The following PRTG variants were observed in gnomAD, a reference collection of about 807,000 sequenced individuals.
The protein encoded by PRTG is protogenin, also known as immunoglobulin superfamily, DCC subclass, member 5.
PRTG carries 67 observed loss-of-function variants against 122.5 expected under a neutral mutation model. That is an observed-to-expected ratio of 0.55 (90% CI 0.45 to 0.67). The LOEUF (loss-of-function observed/expected upper bound fraction) is 0.67, where lower values mean the gene tolerates loss of function less well. Among genes scored for constraint, PRTG ranks in the 30% least tolerant of loss-of-function variants. The pLI is 0.00. For missense variants in PRTG, 1,435 were observed against 1,415.4 expected, an observed-to-expected ratio of 1.01 and a Z score of -0.22; for synonymous variants, 554 against 501.1, an observed-to-expected ratio of 1.11 and a Z score of -1.41.
chr15:55,621,692 C>G (rs185522873), intron 18 of PRTG, among the ~76,000 whole-genome samples: 2 of 151,946 alleles, frequency 1.3e-5, no homozygotes, highest in Non-Finnish European at 2.9e-5. Context: ...ACAGGTAGTA[C>G]AACATAGTCA....
chr15:55,692,077 T>A (rs187781024), intron 2 of PRTG, among the ~76,000 whole-genome samples: 11 of 152,094 alleles, frequency 7.2e-5, no homozygotes, highest in Non-Finnish European at 1.6e-4. Flanking sequence ...TAGAAAAGTA[T>A]GTAAACTCAG....
At chr15:55,709,145 C>CAAAAAAAAAAAA (rs3985769) in intron 2 of PRTG, among the ~76,000 whole-genome samples, 15 of 51,844 alleles carry the variant, frequency 2.9e-4, no homozygotes, top group African/African-American at 1.2e-3. Context: ...GACTCTGTCT[C>CAAAAAAAAAAAA]AAAAAAAAAA....
chr15:55,740,139 C>A (rs2031561993), intron 2 of PRTG, among the ~76,000 whole-genome samples: 1 of 152,324 alleles, frequency 6.6e-6, no homozygotes, highest in South Asian at 2.1e-4. Flanking sequence ...TATAAAGCCA[C>A]CTCTACAGGT....
intron 11 of PRTG, among the ~76,000 whole-genome samples, chr15:55,662,382 T>C (rs1470459893): frequency 6.6e-6 from 1 of 152,050 alleles, no homozygotes; most frequent in Non-Finnish European, 1.5e-5. Flanking sequence ...TCAACTGGGT[T>C]ACAAAAAAAA....
chr15:55,647,152 C>T (rs143736776), intron 11 of PRTG, among the ~76,000 whole-genome samples: 262 of 152,150 alleles, frequency 1.7e-3, no homozygotes, highest in Non-Finnish European at 2.5e-3. Flanking sequence ...TGGTGGTGGG[C>T]GCCTGTAATC....
chr15:55,673,316 A>C, intron 10 of PRTG, 55 bp downstream of exon 10: 1 of 1,259,670 alleles, frequency 7.9e-7, no homozygotes, highest in Non-Finnish European at 1.1e-6. Context: ...AGAGAAGAAA[A>C]ACTTGATTCA....
chr15:55,673,449 T>G lies in PRTG; in HGVS notation c.1774A>C (p.Thr592Pro). 2 of 1,614,160 alleles carry G rather than the reference T, an allele frequency of 1.2e-6. No homozygotes were observed. The highest frequency in any genetic ancestry group is 1.7e-6 in the Non-Finnish European group (2 of 1,180,012). ...KPDSVYLVRI[T>P]AATRVGLGES... ...CCCAGCCCCACTCTGGTGGCAGCAG[T>G]AATCCGAACCAGGTAGACACTGTCA... Residue 592 changes from threonine to proline, a missense_variant, in exon 10 of 20, where the codon ACT becomes CCT. By Grantham distance (38) the Thr-to-Pro change is conservative. Coordinates refer to ENST00000389286, the MANE Select transcript of PRTG (RefSeq NM_173814.6).
intron 2 of PRTG, among the ~76,000 whole-genome samples, chr15:55,701,062 A>G (rs2059660643): frequency 6.6e-6 from 1 of 152,216 alleles, no homozygotes; most frequent in Non-Finnish European, 1.5e-5. Context: ...AATTAAAACC[A>G]CAATGAGATG....
At chr15:55,711,507 A>G (rs10851591) in intron 2 of PRTG, among the ~76,000 whole-genome samples, 89,940 of 151,948 alleles carry the variant, frequency 0.59, 27,674 homozygotes, top group Non-Finnish European at 0.69. Context: ...CTAATTCCAT[A>G]CCAGGTCCTT....
intron 11 of PRTG, chr15:55,656,354 G>C (rs1473536321): frequency 6.6e-6 from 3 of 455,360 alleles, no homozygotes; most frequent in Non-Finnish European, 1.3e-5. Flanking sequence ...TTAGATTCGG[G>C]CTAAACATTT....
rs534193373 is a variant in PRTG, at chr15:55,649,456, T to TATA, written c.2042-8249_2042-8248insTAT. Among the ~76,000 whole-genome samples the TATA allele has an allele frequency of 2.3e-3, 344 of 151,980 alleles. 1 individual carries two copies. The highest frequency in any genetic ancestry group is 3.6e-3 in the Non-Finnish European group (246 of 67,982). On this transcript the variant is annotated intron_variant, in intron 11 of 19. Transcript: ENST00000389286. ...GAAGTGCTTTAAAAGAGGGCTTGAG[T>TATA]ACAACAACAACAACAATAGTAATAT... is the stretch of plus-strand genomic sequence containing the variant.
At chr15:55,645,469 G>A (rs373866694) in intron 11 of PRTG, among the ~76,000 whole-genome samples, 1 of 134,996 alleles carries the variant, frequency 7.4e-6, no homozygotes, top group East Asian at 2.2e-4. Flanking sequence ...GGAGGGACTA[G>A]AGCCCTCAAA....
At chr15:55,700,285 T>C (rs191654970) in intron 2 of PRTG, among the ~76,000 whole-genome samples, 28 of 152,310 alleles carry the variant, frequency 1.8e-4, no homozygotes, top group African/African-American at 6.7e-4. Context: ...TAATTAATCT[T>C]GACTTATACT....
chr15:55,624,315 T>C (rs1013664579), intron 18 of PRTG, 27 bp downstream of exon 18: 2 of 1,607,000 alleles, frequency 1.2e-6, no homozygotes, highest in African/African-American at 2.7e-5. Flanking sequence ...AAGAACGGCT[T>C]ATGCAGCAAA....
chr15:55,686,918 G>C (rs1411949321), intron 2 of PRTG, among the ~76,000 whole-genome samples: 1 of 152,038 alleles, frequency 6.6e-6, no homozygotes, highest in South Asian at 2.1e-4. Context: ...AGTGGTTTCC[G>C]ACCCTTTTCT....
Position 55,703,911 on chromosome 15 carries a change from G to A in PRTG, c.398-19980C>T, listed in dbSNP as rs139087983. On this transcript the variant is annotated intron_variant, in intron 2 of 19. Coordinates refer to ENST00000389286, the MANE Select transcript of PRTG (RefSeq NM_173814.6). ...CAAATTATCTGTCTTCCCAGCAACA[G>A]TGTGTGGTCACAGAAGTGTATGCGA... Among the ~76,000 whole-genome samples, 361 of 152,324 alleles carry A rather than the reference G, an allele frequency of 2.4e-3. 1 individual carries two copies. In the South Asian group the frequency reaches 0.028, roughly 12 times the overall value.
chr15:55,656,152 A>T, intron 11 of PRTG: 1 of 278,482 alleles, frequency 3.6e-6, no homozygotes, highest in South Asian at 3.7e-5. Context: ...TCTGTATTTA[A>T]ATTTCCAAAA....
intron 2 of PRTG, among the ~76,000 whole-genome samples, chr15:55,718,630 A>AC (rs1555436430): frequency 1.3e-5 from 2 of 150,852 alleles, no homozygotes; most frequent in African/African-American, 4.9e-5. Flanking sequence ...AAAACAAACA[A>AC]AAAAAAAAAC....
At chr15:55,738,673 C>A (rs1418979814) in intron 2 of PRTG, 8 of 426,856 alleles carry the variant, frequency 1.9e-5, no homozygotes, top group Non-Finnish European at 3.3e-5. Flanking sequence ...TACAGAAAAA[C>A]CATTACTCCA....
Sources: allele counts gnomAD v4.1 joint callset (sites outside exome capture counted in the v4.1 genomes callset), GRCh38; gene constraint gnomAD v4.1.1; transcripts MANE v1.5; gene names NCBI Gene and HGNC (gene_info 2026-07-23, HGNC 2026-07-21).